Variants in FBXO42 observed in about 807,000 individuals in gnomAD.
FBXO42 encodes F-box protein 42, also known as F-box only protein 42.
In FBXO42, 12 loss-of-function variants were observed where a neutral mutation model predicts 71.7. That is an observed-to-expected ratio of 0.17 (90% CI 0.11 to 0.27). FBXO42 has a LOEUF of 0.27. FBXO42 is among the 10% of genes least tolerant of loss of function. FBXO42 has a pLI of 1.00. For missense variants in FBXO42, 707 were observed against 911.9 expected, an observed-to-expected ratio of 0.78 and a Z score of 2.89; for synonymous variants, 325 against 327.5, an observed-to-expected ratio of 0.99 and a Z score of 0.08.
intron 1 of FBXO42, among the ~76,000 whole-genome samples, chr1:16,328,283 A>T (rs1408205061): frequency 6.6e-6 from 1 of 152,220 alleles, no homozygotes; most frequent in East Asian, 1.9e-4. Context: ...GAAAAGGTGT[A>T]ACCTAAGTAA....
At chr1:16,334,413 C>A in intron 1 of FBXO42, among the ~76,000 whole-genome samples, 1 of 133,518 alleles carries the variant, frequency 7.5e-6, no homozygotes. Flanking sequence ...AGTGAGACTC[C>A]GCCTCAAAAA....
chr1:16,349,495 C>G (rs148698232), intron 1 of FBXO42, among the ~76,000 whole-genome samples: 1 of 152,344 alleles, frequency 6.6e-6, no homozygotes, highest in Admixed American at 6.5e-5. Flanking sequence ...TTCACGAACA[C>G]TATCTTTTCT....
At chr1:16,341,021 ACT>A (rs113458204) in intron 1 of FBXO42, among the ~76,000 whole-genome samples, 1,815 of 152,200 alleles carry the variant, frequency 0.012, 30 homozygotes, top group African/African-American at 0.042. Flanking sequence ...AGTTGAACAA[ACT>A]CTGGTGCATC....
intron 1 of FBXO42, among the ~76,000 whole-genome samples, chr1:16,323,209 G>A (rs1178558664): frequency 1.3e-5 from 2 of 149,488 alleles, no homozygotes; most frequent in Non-Finnish European, 3.0e-5. Context: ...ACAAGGTCAG[G>A]AGTTTGAGAC....
intron 4 of FBXO42, among the ~76,000 whole-genome samples, chr1:16,278,792 A>G (rs2081930975): frequency 6.6e-6 from 1 of 151,146 alleles, no homozygotes; most frequent in Non-Finnish European, 1.5e-5. Context: ...TTTTTTTGAG[A>G]CGGAGTTTCG....
intron 1 of FBXO42, among the ~76,000 whole-genome samples, chr1:16,323,380 T>C (rs1557601898): frequency 6.6e-6 from 1 of 152,026 alleles, no homozygotes; most frequent in Non-Finnish European, 1.5e-5. Context: ...ATCGTGCCAC[T>C]GTACTCCAGC....
At chr1:16,313,132 C>A (rs570774751) in intron 2 of FBXO42, among the ~76,000 whole-genome samples, 2 of 151,232 alleles carry the variant, frequency 1.3e-5, no homozygotes, top group African/African-American at 4.8e-5. Flanking sequence ...TTGCTGTGAA[C>A]CTAAAAGTGC....
chr1:16,286,806 C>T (rs1266736043), intron 4 of FBXO42, among the ~76,000 whole-genome samples: 2 of 152,078 alleles, frequency 1.3e-5, no homozygotes. Context: ...AAAATTCCAC[C>T]CTTTCAAATG....
intron 3 of FBXO42, among the ~76,000 whole-genome samples, chr1:16,304,897 A>G (rs2082233611): frequency 6.6e-6 from 1 of 152,032 alleles, no homozygotes; most frequent in South Asian, 2.1e-4. Context: ...TGAACCCAAG[A>G]GGTGGAGGTT....
chr1:16,337,883 C>CAAAAAAAAAAAAAAAAAAAAAAAAAAAA (rs60328879), intron 1 of FBXO42, among the ~76,000 whole-genome samples: 5 of 38,854 alleles, frequency 1.3e-4, no homozygotes, highest in African/African-American at 9.3e-5. Flanking sequence ...GACTCCGTCT[C>CAAAAAAAAAAAAAAAAAAAAAAAAAAAA]AAAAAAAAAA....
intron 3 of FBXO42, among the ~76,000 whole-genome samples, chr1:16,304,483 TTG>T (rs761770422): frequency 6.6e-5 from 10 of 152,036 alleles, no homozygotes; most frequent in Admixed American, 1.3e-4. Flanking sequence ...CATTTAAATT[TTG>T]TGTTTGCTGA....
At chr1:16,297,640 T>A (rs2082144081) in intron 3 of FBXO42, among the ~76,000 whole-genome samples, 1 of 151,306 alleles carries the variant, frequency 6.6e-6, no homozygotes, top group East Asian at 2.0e-4. Context: ...GGCAGGCAGA[T>A]CATGAAGTCA....
At chr1:16,337,366 A>G (rs987559235) in intron 1 of FBXO42, among the ~76,000 whole-genome samples, 5 of 152,146 alleles carry the variant, frequency 3.3e-5, no homozygotes, top group African/African-American at 1.2e-4. Context: ...TATTGAGAAC[A>G]TGTGCCAGGT....
Position 16,251,630 on chromosome 1 carries a change from C to A in FBXO42, c.1194G>T (p.Met398Ile). The change falls in exon 10 of 10, where the codon ATG becomes ATT. Residue 398 changes from methionine to isoleucine, a missense_variant. Physicochemically the swap from Met to Ile is conservative, Grantham distance 10. Transcript: ENST00000375592. This position sits in a 1 kb window ranked among gnomAD's most constrained non-coding sequence, Gnocchi z 4.5. ...GGCCGTTAACACAAGGAGCTTCATC[C>A]ATGCTTCTTACTGGAGACTGAGAGC... Reference protein sequence around the residue: ...EYRSQSPVRSMDEAPCVNGRW... With the variant: ...EYRSQSPVRSIDEAPCVNGRW... The A allele has an allele frequency of 6.2e-7, 1 of 1,614,216 alleles. No homozygotes were observed. The highest frequency in any genetic ancestry group is 8.5e-7 in the Non-Finnish European group (1 of 1,180,050).
intron 3 of FBXO42, among the ~76,000 whole-genome samples, chr1:16,299,648 TA>T (rs2082169362): frequency 6.6e-6 from 1 of 152,040 alleles, no homozygotes; most frequent in African/African-American, 2.4e-5. Flanking sequence ...TAATTATTAT[TA>T]TTATTATTTT....
At chr1:16,338,683 C>A (rs1020566040) in intron 1 of FBXO42, among the ~76,000 whole-genome samples, 1 of 151,786 alleles carries the variant, frequency 6.6e-6, no homozygotes, top group African/African-American at 2.4e-5. Flanking sequence ...ATGCTCCTAT[C>A]AAATCTCTCG....
chr1:16,315,283 A>G lies in FBXO42; in HGVS notation c.136T>C (p.Ser46Pro), dbSNP rs1403898319. 6.2e-7 allele frequency: 1 copy of G among 1,613,890 alleles called. No individual in the cohort carries two copies. Among genetic ancestry groups the G allele is most frequent in the East Asian group, 2.2e-5 (1 of 44,886 alleles). ...LEAEETRHNR[S>P]MSELPEEVLE... Reference sequence around the variant, plus strand: ...ACCTCTTCTGGCAGCTCCGACATGGACCTATTATGTCTAGTCTCCTCAGCC... The same window carrying G: ...ACCTCTTCTGGCAGCTCCGACATGGGCCTATTATGTCTAGTCTCCTCAGCC... The change falls in exon 2 of 10, where the codon TCC becomes CCC. Residue 46 changes from serine (S) to proline (P), a missense_variant. Physicochemically the swap from Ser to Pro is moderately conservative, Grantham distance 74. Transcript: ENST00000375592.
chr1:16,273,994 A>C (rs753631317), intron 4 of FBXO42, among the ~76,000 whole-genome samples: 3 of 152,232 alleles, frequency 2.0e-5, no homozygotes, highest in Non-Finnish European at 2.9e-5. Context: ...GTTCAAAGAA[A>C]GAAGCCAGAC....
chr1:16,332,048 T>C (rs1253003386), intron 1 of FBXO42, among the ~76,000 whole-genome samples: 1 of 150,104 alleles, frequency 6.7e-6, no homozygotes, highest in Non-Finnish European at 1.5e-5. Flanking sequence ...AAACTCCATC[T>C]CCAAAAAAAA....
Sources: gnomAD v4.1 joint callset for allele counts (sites outside exome capture counted in the v4.1 genomes callset) on GRCh38, gnomAD v4.1.1 for gene constraint, Gnocchi (gnomAD v3.1) non-coding constraint, MANE v1.5 for transcripts, NCBI Gene and HGNC (gene_info 2026-07-23, HGNC 2026-07-21) for gene names.